Variants in HSPB8 observed in about 807,000 individuals in gnomAD.
HSPB8 encodes heat shock protein family B (small) member 8.
A neutral mutation model predicts 16.5 loss-of-function variants in HSPB8; 9 were observed. The observed-to-expected ratio is 0.55, with a 90% CI of 0.33 to 0.95. The LOEUF is 0.95. Ranked by LOEUF, HSPB8 falls within the 40% of genes least tolerant of loss-of-function variation. The probability of loss-of-function intolerance (pLI) is 0.03; values close to 1 mark genes in which losing one functional copy is unlikely to be tolerated. For synonymous variants in HSPB8, 99 were observed against 94.8 expected (o/e 1.04, Z -0.26); for missense variants, 238 against 251.2 (o/e 0.95, Z 0.35).
At position 119,179,572 on chromosome 12, in the gene HSPB8, C is replaced by A. The variant is rs1294621759; in HGVS notation, c.260C>A (p.Thr87Asn). The change falls in exon 1 of 3, where the codon ACC (threonine) becomes AAC (asparagine). Residue 87 changes from threonine (T) to asparagine (N), a missense_variant. Coordinates refer to ENST00000281938, the MANE Select transcript of HSPB8 (RefSeq NM_014365.3). ...ARFGVPAEGRTPPPFPGEPWK... is the reference protein window; with the variant it reads ...ARFGVPAEGRNPPPFPGEPWK... The stretch of plus-strand genomic sequence containing the variant: ...TTTGGGGTGCCTGCCGAGGGCAGGA[C>A]CCCCCCACCCTTCCCTGGGGAGCCC... The A allele has an allele frequency of 6.2e-7, 1 of 1,611,884 alleles. No individual in the cohort carries two copies. Among genetic ancestry groups the A allele is most frequent in the Non-Finnish European group, 8.5e-7 (1 of 1,178,866 alleles).
chr12:119,193,918 G>C lies in HSPB8; in HGVS notation c.*60G>C. 1.3e-6 allele frequency: 2 copies of C among 1,565,472 alleles called. No homozygotes were observed. The highest frequency in any genetic ancestry group is 1.8e-6 in the Non-Finnish European group (2 of 1,137,004). ...AACCCTAGGGCTTCTCTGATTCCAG[G>C]ATACATTACTTTAGCTGAACTCAGA... On this transcript the variant is annotated 3_prime_UTR_variant, in exon 3 of 3. Coordinates refer to ENST00000281938, the MANE Select transcript of HSPB8 (RefSeq NM_014365.3).
rs774648716 is a variant in HSPB8, at chr12:119,193,820, G to A, written c.553G>A (p.Glu185Lys). ...ATTTGGAGAGAGCAGTTTCAACAACGAGCTTCCCCAGGACAGCCAGGAAGT... is the reference window on the plus strand; with the variant it reads ...ATTTGGAGAGAGCAGTTTCAACAACAAGCTTCCCCAGGACAGCCAGGAAGT... ...STFGESSFNN[E>K]LPQDSQEVTC... The change falls in exon 3 of 3, where the codon GAG (glutamate) becomes AAG (lysine). Residue 185 changes from glutamate (E) to lysine (K), a missense_variant. By Grantham distance (56) the Glu-to-Lys change is moderately conservative. Coordinates refer to ENST00000281938, the MANE Select transcript of HSPB8 (RefSeq NM_014365.3). 2.8e-5 allele frequency: 45 copies of A among 1,614,020 alleles called. No individual in the cohort carries two copies. The East Asian group carries it at 5.1e-4, about 18-fold the overall frequency.
intron 2 of HSPB8, among the ~76,000 whole-genome samples, chr12:119,187,767 C>G (rs1332265593): frequency 6.6e-6 from 1 of 152,204 alleles, no homozygotes; most frequent in African/African-American, 2.4e-5. Context: ...CCCCTGTCAC[C>G]ATCCAGAAAG....
At chr12:119,192,130 AAT>A (rs1954716273) in intron 2 of HSPB8, among the ~76,000 whole-genome samples, 1 of 152,204 alleles carries the variant, frequency 6.6e-6, no homozygotes, top group Non-Finnish European at 1.5e-5. Flanking sequence ...CCAAATTCTC[AAT>A]AGTCTCATTC....
In HSPB8 at chr12:119,194,716, A is replaced by AATAATT; in HGVS notation, c.*863_*864insTATAAT. The AATAATT allele has an allele frequency of 3.0e-6, 1 of 331,748 alleles. No homozygotes were observed. Among genetic ancestry groups the AATAATT allele is most frequent in the Non-Finnish European group, 5.3e-6 (1 of 189,036 alleles). The allele number at this position is 331,748 out of a possible 1,614,324, so 20.6% of individuals were successfully genotyped here. A position where few individuals can be genotyped will look rare whatever the true frequency, so the allele number is the denominator to read the frequency against. On this transcript the variant is annotated 3_prime_UTR_variant, in exon 3 of 3. Transcript: ENST00000281938. ...ATAACAGTAAATAATTAATAATAATAATAATAATAATAAAGGAGCTGACGT... is the reference window on the plus strand; with the variant it reads ...ATAACAGTAAATAATTAATAATAATAATAATTATAATAATAATAAAGGAGCTGACGT...
intron 1 of HSPB8, 185 bp from the exon 2 acceptor site, chr12:119,186,840 G>A (rs1954679164): frequency 1.6e-6 from 1 of 638,754 alleles, no homozygotes; most frequent in South Asian, 1.8e-5. Flanking sequence ...GCCAGCCTTG[G>A]AAGTGGACTT....
intron 1 of HSPB8, among the ~76,000 whole-genome samples, chr12:119,184,342 G>A (rs1257439323): frequency 3.3e-5 from 5 of 152,214 alleles, no homozygotes; most frequent in Admixed American, 2.0e-4. Flanking sequence ...CCAAGGAAGC[G>A]CTATATTACT....
At chr12:119,184,305 A>G (rs965097324) in intron 1 of HSPB8, among the ~76,000 whole-genome samples, 2 of 152,256 alleles carry the variant, frequency 1.3e-5, no homozygotes, top group African/African-American at 2.4e-5. Context: ...GTTGATACAG[A>G]TAAGGTGCTT....
chr12:119,185,018 A>G (rs947363850), intron 1 of HSPB8, among the ~76,000 whole-genome samples: 7 of 152,256 alleles, frequency 4.6e-5, no homozygotes, highest in Non-Finnish European at 7.3e-5. Flanking sequence ...ATACATGGAT[A>G]CTATGTAACA....
chr12:119,180,956 C>T (rs67681082), intron 1 of HSPB8, among the ~76,000 whole-genome samples: 9,685 of 152,238 alleles, frequency 0.064, 414 homozygotes, highest in East Asian at 0.22. Flanking sequence ...AGCCAGATTT[C>T]TGAGTTGGCT....
In HSPB8 at chr12:119,179,122, G is replaced by T. The variant is rs1954616246; in HGVS notation, c.-191G>T. ...TGGATCTGCCCCGGGGGTTACCTTT[G>T]GGGGCTGGGACCCCAGTCGAGGGGA... is the stretch of plus-strand genomic sequence containing the variant. On this transcript the variant is annotated 5_prime_UTR_variant, in exon 1 of 3. Coordinates refer to ENST00000281938, the MANE Select transcript of HSPB8 (RefSeq NM_014365.3). 1 of 668,418 alleles carries T rather than the reference G, an allele frequency of 1.5e-6. No homozygotes were observed. Among genetic ancestry groups the T allele is most frequent in the Non-Finnish European group, 2.7e-6 (1 of 372,720 alleles). The allele number at this position is 668,418 out of a possible 1,614,324, so 41.4% of individuals were successfully genotyped here. A position where few individuals can be genotyped will look rare whatever the true frequency, so the allele number is the denominator to read the frequency against.
chr12:119,179,414 C>A lies in HSPB8; in HGVS notation c.102C>A (p.Gly34=). ...TCTCCTCTCGCCTGCTGGATGATGG[C>A]TTTGGCATGGACCCCTTCCCAGACG... ...SPLSSRLLDD[G]FGMDPFPDDL... The change falls in exon 1 of 3, where the codon GGC becomes GGA. Residue 34 remains glycine (G), a synonymous_variant. Coordinates refer to ENST00000281938, the MANE Select transcript of HSPB8 (RefSeq NM_014365.3). The A allele has an allele frequency of 6.2e-7, 1 of 1,614,130 alleles. No individual in the cohort carries two copies. The highest frequency in any genetic ancestry group is 8.5e-7 in the Non-Finnish European group (1 of 1,180,028).
chr12:119,180,937 G>GACA (rs1490296842), intron 1 of HSPB8, among the ~76,000 whole-genome samples: 1 of 152,176 alleles, frequency 6.6e-6, no homozygotes, highest in Non-Finnish European at 1.5e-5. Flanking sequence ...ACGTGCTGAT[G>GACA]ACAGGGTCAG....
intron 2 of HSPB8, among the ~76,000 whole-genome samples, chr12:119,193,341 T>A (rs1468940738): frequency 6.6e-6 from 1 of 152,230 alleles, no homozygotes; most frequent in African/African-American, 2.4e-5. Flanking sequence ...GTAGTGGGTA[T>A]TAAGGTGATG....
At position 119,192,809 on chromosome 12, in the gene HSPB8, G is replaced by A. The variant is rs1954720246; in HGVS notation, c.432-890G>A. The stretch of plus-strand genomic sequence containing the variant: ...TGGACTCACAGTTCCACATGGCTGG[G>A]GAGGCCTCACAATCATGGCAAAAGG... On this transcript the variant is annotated intron_variant, in intron 2 of 2. Transcript: ENST00000281938. Among the ~76,000 whole-genome samples the A allele has an allele frequency of 2.0e-5, 3 of 152,244 alleles. No individual in the cohort carries two copies. The South Asian group carries it at 6.2e-4, about 32-fold the overall frequency.
chr12:119,179,256 T>C lies in HSPB8; in HGVS notation c.-57T>C. The C allele has an allele frequency of 6.4e-7, 1 of 1,572,580 alleles. No homozygotes were observed. The highest frequency in any genetic ancestry group is 8.7e-7 in the Non-Finnish European group (1 of 1,146,200). On this transcript the variant is annotated 5_prime_UTR_variant, in exon 1 of 3. Transcript: ENST00000281938. ...GCCACACCACCTTGTTGTGTGACCT[T>C]GGGCAGGTGGTTCTGTCTCTCTGAG...
intron 2 of HSPB8, among the ~76,000 whole-genome samples, chr12:119,187,799 T>C (rs898473964): frequency 6.6e-6 from 1 of 152,124 alleles, no homozygotes; most frequent in Non-Finnish European, 1.5e-5. Context: ...ATTCCCCAAA[T>C]GCCCCAGCAG....
chr12:119,188,556 C>T lies in HSPB8; in HGVS notation c.431+1468C>T, dbSNP rs567249970. On this transcript the variant is annotated intron_variant, in intron 2 of 2. Coordinates refer to ENST00000281938, the MANE Select transcript of HSPB8 (RefSeq NM_014365.3). ...AGCCACTGCGCCTGGCCCCTAAACT[C>T]TTTTCCAAGCCATCGTTGCATTTAG... is the stretch of plus-strand genomic sequence containing the variant. Among the ~76,000 whole-genome samples, 3 of 152,188 alleles carry T rather than the reference C, an allele frequency of 2.0e-5. No individual in the cohort carries two copies. In the South Asian group the frequency reaches 6.2e-4, roughly 32 times the overall value.
chr12:119,183,139 A>G (rs528046151), intron 1 of HSPB8: 175 of 152,402 alleles, frequency 1.1e-3, no homozygotes, highest in African/African-American at 4.1e-3. Flanking sequence ...AAACAAAATT[A>G]TAAACAGGTC....
Sources: allele counts gnomAD v4.1 joint callset (sites outside exome capture counted in the v4.1 genomes callset), GRCh38; gene constraint gnomAD v4.1.1; transcripts MANE v1.5; gene names NCBI Gene and HGNC (gene_info 2026-07-23, HGNC 2026-07-21).